Variants in NECAB1 observed in about 807,000 individuals in gnomAD.
NECAB1 encodes N-terminal EF-hand calcium binding protein 1.
Under a neutral mutation model 57.5 loss-of-function variants are expected in NECAB1, and 29 were observed. That is an observed-to-expected ratio of 0.50 (90% CI 0.38 to 0.69). The LOEUF is 0.69. Ranked by LOEUF, NECAB1 falls within the 30% of genes least tolerant of loss-of-function variation. The pLI is 0.00. For synonymous variants in NECAB1, 142 were observed against 147.7 expected (o/e 0.96, Z 0.28); for missense variants, 372 against 413.8 (o/e 0.90, Z 0.88).
intron 10 of NECAB1, among the ~76,000 whole-genome samples, chr8:90,943,372 T>C (rs891814042): frequency 3.9e-4 from 59 of 152,330 alleles, no homozygotes; most frequent in African/African-American, 1.4e-3. Context: ...TTTCAGGTAA[T>C]TTCTTTTACT....
At chr8:90,856,415 G>A (rs890864218) in intron 3 of NECAB1, among the ~76,000 whole-genome samples, 10 of 152,082 alleles carry the variant, frequency 6.6e-5, no homozygotes, top group African/African-American at 2.4e-4. Context: ...AAGCACCCCA[G>A]AGCTAGAAAG....
intron 5 of NECAB1, among the ~76,000 whole-genome samples, chr8:90,911,169 A>G (rs1280490645): frequency 6.6e-6 from 1 of 152,172 alleles, no homozygotes; most frequent in African/African-American, 2.4e-5. Context: ...ACAGAACAAG[A>G]ACTGGGCCTA....
chr8:90,835,661 T>G (rs114053416), intron 3 of NECAB1, among the ~76,000 whole-genome samples: 199 of 152,232 alleles, frequency 1.3e-3, no homozygotes, highest in African/African-American at 4.6e-3. Flanking sequence ...AGAGGTACCA[T>G]TTAATTACAT....
At chr8:90,812,890 T>C (rs13250572) in intron 2 of NECAB1, 60,243 of 151,982 alleles carry the variant, frequency 0.4, 13,066 homozygotes, top group East Asian at 0.81. Flanking sequence ...AAATAACAGA[T>C]CAAAATATAC....
chr8:90,810,993 G>A (rs1053125069), intron 2 of NECAB1, among the ~76,000 whole-genome samples: 11 of 151,072 alleles, frequency 7.3e-5, no homozygotes, highest in Non-Finnish European at 1.3e-4. Context: ...TGTCTCCCAG[G>A]CTGGAGCGCA....
intron 3 of NECAB1, among the ~76,000 whole-genome samples, chr8:90,866,128 T>C (rs1262011438): frequency 6.6e-6 from 1 of 152,214 alleles, no homozygotes; most frequent in African/African-American, 2.4e-5. Flanking sequence ...GGTGCCATTC[T>C]GTTAGTTAGT....
chr8:90,925,665 C>A lies in NECAB1; in HGVS notation c.616+9C>A, dbSNP rs1810247966. The stretch of plus-strand genomic sequence containing the variant: ...TAATGTCAGCGGTCCAGGTAACATA[C>A]CCTTCATTTGTTTTTATTTGTCAAA... On this transcript the variant is annotated intron_variant, in intron 7 of 12. Coordinates refer to ENST00000417640, the MANE Select transcript of NECAB1 (RefSeq NM_022351.5). 1 of 1,613,424 alleles carries A rather than the reference C, an allele frequency of 6.2e-7. No individual in the cohort carries two copies. The highest frequency in any genetic ancestry group is 8.5e-7 in the Non-Finnish European group (1 of 1,179,622).
intron 2 of NECAB1, among the ~76,000 whole-genome samples, chr8:90,819,579 T>A (rs1812110959): frequency 6.6e-6 from 1 of 151,968 alleles, no homozygotes; most frequent in African/African-American, 2.4e-5. Flanking sequence ...AAGGACTAAG[T>A]CTGGCAGCTC....
intron 3 of NECAB1, among the ~76,000 whole-genome samples, chr8:90,844,945 C>A (rs775952880): frequency 1.6e-4 from 24 of 152,088 alleles, no homozygotes; most frequent in African/African-American, 5.6e-4. Context: ...TTGGTTTACA[C>A]GATTATGAAG....
chr8:90,824,996 G>T (rs1458364019), intron 3 of NECAB1, 171 bp downstream of exon 3: 9 of 374,746 alleles, frequency 2.4e-5, no homozygotes, highest in Admixed American at 4.6e-5. Context: ...CTGAAAAATT[G>T]ACTTTGAATC....
chr8:90,807,686 C>T (rs1005071230), intron 2 of NECAB1, among the ~76,000 whole-genome samples: 1 of 152,120 alleles, frequency 6.6e-6, no homozygotes, highest in African/African-American at 2.4e-5. Flanking sequence ...TTCATAATTC[C>T]TCATACTTTT....
chr8:90,872,218 G>A (rs1808634391), intron 4 of NECAB1, 65 bp downstream of exon 4: 1 of 1,265,310 alleles, frequency 7.9e-7, no homozygotes, highest in East Asian at 2.6e-5. Flanking sequence ...AGTATTGTCT[G>A]ATATATATCA....
Position 90,957,042 on chromosome 8 carries a change from G to A in NECAB1, c.*1530G>A, listed in dbSNP as rs1178938228. On this transcript the variant is annotated 3_prime_UTR_variant, in exon 13 of 13. Transcript: ENST00000417640. The stretch of plus-strand genomic sequence containing the variant: ...ACAGACACTGTGTAACAACACCTGG[G>A]TCAACTCTTTTAATTTATATACAAA... 6.6e-6 allele frequency: 1 copy of A among 151,148 alleles called. No individual in the cohort carries two copies. The highest frequency in any genetic ancestry group is 1.5e-5 in the Non-Finnish European group (1 of 67,766). The allele number at this position is 151,148 out of a possible 1,614,324, so 9.4% of individuals were successfully genotyped here. A position where few individuals can be genotyped will look rare whatever the true frequency, so the allele number is the denominator to read the frequency against.
Position 90,958,305 on chromosome 8 carries a change from A to T in NECAB1, c.*2793A>T, listed in dbSNP as rs530801322. On this transcript the variant is annotated 3_prime_UTR_variant, in exon 13 of 13. Coordinates refer to ENST00000417640, the MANE Select transcript of NECAB1 (RefSeq NM_022351.5). ...ACTTTGAAATTGCTCAACTTCTGCTATTCATATGGTCTGATTAGTGACATA... is the reference window on the plus strand; with the variant it reads ...ACTTTGAAATTGCTCAACTTCTGCTTTTCATATGGTCTGATTAGTGACATA... The T allele has an allele frequency of 6.6e-6, 1 of 151,804 alleles. No individual in the cohort carries two copies. Among genetic ancestry groups the T allele is most frequent in the South Asian group, 2.1e-4 (1 of 4,826 alleles). The allele number at this position is 151,804 out of a possible 1,614,324, so 9.4% of individuals were successfully genotyped here.
intron 2 of NECAB1, among the ~76,000 whole-genome samples, chr8:90,803,810 T>G (rs1331001356): frequency 6.6e-6 from 1 of 152,200 alleles, no homozygotes; most frequent in African/African-American, 2.4e-5. Flanking sequence ...TACCCTGCTG[T>G]GACCTCCGCC....
At chr8:90,908,078 C>T (rs995111862) in intron 5 of NECAB1, among the ~76,000 whole-genome samples, 1 of 152,126 alleles carries the variant, frequency 6.6e-6, no homozygotes, top group East Asian at 1.9e-4. Flanking sequence ...TTGTGTCTGA[C>T]AAATTTAGTA....
rs189895144 is a variant in NECAB1 at position 90,841,507 on chromosome 8, A to G, written c.233+16682A>G. Among the ~76,000 whole-genome samples, 18 of 152,296 alleles carry G rather than the reference A, an allele frequency of 1.2e-4. No homozygotes were observed. The East Asian group carries it at 3.3e-3, about 28-fold the overall frequency. ...GATTAACATAGTATCGAGATGCATGAGGGTCAAAAGCAACTTCACATTTTT... is the reference window on the plus strand; with the variant it reads ...GATTAACATAGTATCGAGATGCATGGGGGTCAAAAGCAACTTCACATTTTT... On this transcript the variant is annotated intron_variant, in intron 3 of 12. Coordinates refer to ENST00000417640, the MANE Select transcript of NECAB1 (RefSeq NM_022351.5).
At chr8:90,922,533 C>T (rs1810146480) in intron 6 of NECAB1, among the ~76,000 whole-genome samples, 1 of 94,602 alleles carries the variant, frequency 1.1e-5, no homozygotes, top group South Asian at 3.4e-4. Flanking sequence ...CACTCTGTAG[C>T]CCACGATGGA....
chr8:90,840,294 A>G (rs1450126463), intron 3 of NECAB1, among the ~76,000 whole-genome samples: 2 of 152,234 alleles, frequency 1.3e-5, no homozygotes, highest in Non-Finnish European at 2.9e-5. Context: ...ACCATGTGCC[A>G]GACCTAAGCA....
Sources: gnomAD v4.1 joint callset for allele counts (sites outside exome capture counted in the v4.1 genomes callset) on GRCh38, gnomAD v4.1.1 for gene constraint, MANE v1.5 for transcripts, NCBI Gene and HGNC (gene_info 2026-07-23, HGNC 2026-07-21) for gene names.